The following KRT76 variants were observed in gnomAD, a reference collection of about 807,000 sequenced individuals.
KRT76 encodes keratin, type II cytoskeletal 2 oral.
A neutral mutation model predicts 44.9 loss-of-function variants in KRT76; 47 were observed. That is an observed-to-expected ratio of 1.05 (90% CI 0.83 to 1.33). KRT76 has a LOEUF of 1.33. Among genes scored for constraint, KRT76 ranks in the 40% most tolerant of loss-of-function variants. KRT76 has a pLI of 0.00. For synonymous variants in KRT76, 331 were observed against 294.1 expected, an observed-to-expected ratio of 1.13 and a Z score of -1.28; for missense variants, 860 against 775.8, an observed-to-expected ratio of 1.11 and a Z score of -1.29.
At chr12:52,775,327 T>C (rs1406956474) in intron 2 of KRT76, 61 bp downstream of exon 2, 1 of 1,490,252 alleles carries the variant, frequency 6.7e-7, no homozygotes, top group Non-Finnish European at 9.3e-7. Flanking sequence ...AAATCCCAAA[T>C]TAGGACCACA....
At chr12:52,771,315 C>T (rs1939178449) in intron 6 of KRT76, 96 bp from the exon 7 acceptor site, 1 of 1,206,306 alleles carries the variant, frequency 8.3e-7, no homozygotes, top group Non-Finnish European at 1.2e-6. Context: ...ATCCCTTCCT[C>T]CCTTTCCTTA....
chr12:52,772,022 T>A, intron 5 of KRT76, 26 bp from the exon 6 acceptor site: 1 of 1,611,716 alleles, frequency 6.2e-7, no homozygotes, highest in South Asian at 1.1e-5. Context: ...CCAATCAACG[T>A]GGCTTTTGCA....
chr12:52,769,025 ACCACTG>A lies in KRT76; in HGVS notation c.1599_1604del (p.Ser534_Gly535del). ...TGCTGCTGCTGCCGCCTTTGTAGCC[ACCACTG>A]CCACTGCCACTGACCCCTCCAAAAA... On this transcript the variant is annotated inframe_deletion, in exon 9 of 9. Transcript: ENST00000332411. The A allele has an allele frequency of 1.2e-6, 1 of 801,384 alleles. No homozygotes were observed. The highest frequency in any genetic ancestry group is 2.2e-6 in the Non-Finnish European group (1 of 461,190). 49.6% of individuals were successfully genotyped at this position (801,384 alleles called of 1,614,324 possible).
intron 4 of KRT76, 75 bp downstream of exon 4, chr12:52,772,708 T>G: frequency 9.4e-7 from 1 of 1,058,326 alleles, no homozygotes; most frequent in Non-Finnish European, 1.5e-6. Flanking sequence ...TGTTGTGCTG[T>G]TTGGCTGTCC....
chr12:52,772,928 C>G (rs774513934), intron 3 of KRT76, 50 bp from the exon 4 acceptor site: 3 of 1,327,358 alleles, frequency 2.3e-6, no homozygotes, highest in Non-Finnish European at 1.1e-6. Context: ...TCCCCTCCCA[C>G]CCAGTGGCTC....
rs1939272323 is a variant in KRT76 at position 52,776,982 on chromosome 12, C to T, written c.310G>A (p.Gly104Ser). 3 of 1,613,988 alleles carry T rather than the reference C, an allele frequency of 1.9e-6. No homozygotes were observed. Among genetic ancestry groups the T allele is most frequent in the Non-Finnish European group, 2.5e-6 (3 of 1,179,892 alleles). The change falls in exon 1 of 9, where the codon GGT becomes AGT. Residue 104 changes from glycine to serine, a missense_variant. Physicochemically the swap from Gly to Ser is moderately conservative, Grantham distance 56. Coordinates refer to ENST00000332411, the MANE Select transcript of KRT76 (RefSeq NM_015848.4). ...YGGGFGGSYG[G>S]GFGGGRGVGS... ...ACTCCTCTGCCACCACCAAAGCCACCACCATAGCTGCCCCCAAAGCCACCT... is the reference window on the plus strand; with the variant it reads ...ACTCCTCTGCCACCACCAAAGCCACTACCATAGCTGCCCCCAAAGCCACCT...
At chr12:52,775,285 G>C in intron 2 of KRT76, 103 bp downstream of exon 2, 1 of 977,076 alleles carries the variant, frequency 1.0e-6, no homozygotes, top group South Asian at 1.4e-5. Flanking sequence ...CCATCCCAGA[G>C]TATTGACTGA....
At chr12:52,772,992 T>C in intron 3 of KRT76, 114 bp from the exon 4 acceptor site, 1 of 685,952 alleles carries the variant, frequency 1.5e-6, no homozygotes, top group Non-Finnish European at 2.6e-6. Flanking sequence ...TCCTCCTAAT[T>C]GTGACTTCTC....
At chr12:52,774,407 A>T (rs1371431177) in intron 2 of KRT76, among the ~76,000 whole-genome samples, 2 of 152,180 alleles carry the variant, frequency 1.3e-5, no homozygotes, top group African/African-American at 4.8e-5. Flanking sequence ...CTATTTCCTC[A>T]GTTTCTGTTT....
intron 1 of KRT76, 104 bp from the exon 2 acceptor site, chr12:52,775,706 T>A: frequency 1.2e-6 from 1 of 830,174 alleles, no homozygotes; most frequent in Non-Finnish European, 1.9e-6. Flanking sequence ...TTCTTCAATC[T>A]ACAATTTCCC....
chr12:52,768,700 T>C lies in KRT76; in HGVS notation c.*13A>G, dbSNP rs759681707. On this transcript the variant is annotated 3_prime_UTR_variant, in exon 9 of 9. Transcript: ENST00000332411. ...GTGGGAAGCAGGTGGTTATAGAGAT[T>C]TGGAACAGTAGATCACTTGGTGGAG... The C allele has an allele frequency of 1.3e-6, 2 of 1,580,490 alleles. No individual in the cohort carries two copies. Among genetic ancestry groups the C allele is most frequent in the South Asian group, 1.1e-5 (1 of 87,376 alleles).
chr12:52,769,455 G>A (rs918124080), intron 8 of KRT76, 94 bp downstream of exon 8: 6 of 1,077,042 alleles, frequency 5.6e-6, no homozygotes, highest in Non-Finnish European at 8.7e-6. Flanking sequence ...TCCTTGGATG[G>A]AACAGGCCTT....
Position 52,775,614 on chromosome 12 carries a change from AG to A in KRT76, c.601-13del. 6.2e-7 allele frequency: 1 copy of A among 1,610,054 alleles called. No individual in the cohort carries two copies. Among genetic ancestry groups the A allele is most frequent in the Non-Finnish European group, 8.5e-7 (1 of 1,177,744 alleles). ...TCCAGGAACCGCACCTGCATGAAAGAGGGGAGAAAAGGAGTCAGCCCCTTGA... is the reference window on the plus strand; with the variant it reads ...TCCAGGAACCGCACCTGCATGAAAGAGGGAGAAAAGGAGTCAGCCCCTTGA... On this transcript the variant is annotated splice_polypyrimidine_tract_variant and intron_variant, in intron 1 of 8. Transcript: ENST00000332411.
At chr12:52,771,380 T>C (rs546930420) in intron 6 of KRT76, among the ~76,000 whole-genome samples, 161 bp from the exon 7 acceptor site, 14 of 152,320 alleles carry the variant, frequency 9.2e-5, no homozygotes, top group Non-Finnish European at 1.9e-4. Context: ...AGTTGGTTAA[T>C]TCATCTTTGT....
chr12:52,770,077 T>A (rs549816585), intron 7 of KRT76, among the ~76,000 whole-genome samples: 1 of 152,222 alleles, frequency 6.6e-6, no homozygotes, highest in Non-Finnish European at 1.5e-5. Context: ...ATTTGAAATG[T>A]ACCACCTACA....
At position 52,768,748 on chromosome 12, in the gene KRT76, T is replaced by A; in HGVS notation, c.1882A>T (p.Thr628Ser). The A allele has an allele frequency of 2.5e-6, 4 of 1,606,926 alleles. No individual in the cohort carries two copies. Among genetic ancestry groups the A allele is most frequent in the South Asian group, 1.1e-5 (1 of 90,894 alleles). Reference sequence around the variant, plus strand: ...GAGCTATGCTGGCTTGAGCTCGTGGTCTGGGAGAAGCGGATACTGGTGCTG... The same window carrying A: ...GAGCTATGCTGGCTTGAGCTCGTGGACTGGGAGAAGCGGATACTGGTGCTG... ...GGSTSIRFSQ[T>S]TSSSQHSSTK The change falls in exon 9 of 9, where the codon ACC (threonine) becomes TCC (serine). Residue 628 changes from threonine (T) to serine (S), a missense_variant. Coordinates refer to ENST00000332411, the MANE Select transcript of KRT76 (RefSeq NM_015848.4).
intron 4 of KRT76, 95 bp downstream of exon 4, chr12:52,772,688 G>A: frequency 1.1e-6 from 1 of 884,252 alleles, no homozygotes; most frequent in South Asian, 1.4e-5. Flanking sequence ...CCCATTGCTG[G>A]TTTTGTGAGT....
rs952432860 is a variant in KRT76, at chr12:52,776,760, G to A, written c.532C>T (p.Gln178Ter). 2 of 1,613,974 alleles carry A rather than the reference G, an allele frequency of 1.2e-6. No homozygotes were observed. The highest frequency in any genetic ancestry group is 2.7e-5 in the African/African-American group (2 of 74,892). ...LNVEIDPQIG[Q>*]VKAQEREQIK... ...TGTTCCCGCTCCTGGGCCTTTACTT[G>A]CCCAATCTGGGGGTCGATCTCCACA... Residue 178 changes from glutamine to a stop codon, truncating the protein, a stop_gained, in exon 1 of 9, where the codon CAA becomes TAA. Coordinates refer to ENST00000332411, the MANE Select transcript of KRT76 (RefSeq NM_015848.4). LOFTEE classifies it high-confidence loss of function.
In KRT76 at chr12:52,772,157, G is replaced by A. The variant is rs779105282; in HGVS notation, c.1074C>T (p.Arg358=). ...TCTGGGCAATCTCCTCATACTGGGC[G>A]CGGACCTCGGCAATGATGCTGCCCA... ...LDLGSIIAEV[R]AQYEEIAQRS... Residue 358 remains arginine (R), a synonymous_variant, in exon 5 of 9, where the codon CGC becomes CGT. Transcript: ENST00000332411. The A allele has an allele frequency of 2.2e-5, 35 of 1,613,710 alleles. No homozygotes were observed. The African/African-American group carries it at 2.8e-4, about 13-fold the overall frequency.
Sources: gnomAD v4.1 joint callset for allele counts (sites outside exome capture counted in the v4.1 genomes callset) on GRCh38, gnomAD v4.1.1 for gene constraint, MANE v1.5 for transcripts, NCBI Gene and HGNC (gene_info 2026-07-23, HGNC 2026-07-21) for gene names.